The following CTDNEP1 variants were observed in gnomAD, a reference collection of about 807,000 sequenced individuals.
CTDNEP1 encodes C-terminal domain nuclear envelope phosphatase 1.
CTDNEP1 carries 3 observed loss-of-function variants against 30.1 expected under a neutral mutation model. The ratio of observed to expected loss-of-function variants is 0.10; its 90% CI spans 0.05 to 0.26. The LOEUF is 0.26. Among genes scored for constraint, CTDNEP1 ranks in the 10% least tolerant of loss-of-function variants. The probability of loss-of-function intolerance (pLI) is 1.00; values close to 1 mark genes in which losing one functional copy is unlikely to be tolerated. For missense variants in CTDNEP1, 158 were observed against 310.4 expected, an observed-to-expected ratio of 0.51 and a Z score of 3.69; for synonymous variants, 123 against 118.8, an observed-to-expected ratio of 1.04 and a Z score of -0.23.
At chr17:7,245,262 A>C (rs1190652798) in intron 6 of CTDNEP1, among the ~76,000 whole-genome samples, 4 of 151,980 alleles carry the variant, frequency 2.6e-5, no homozygotes, top group Admixed American at 6.6e-5. Flanking sequence ...ACTGCATTCC[A>C]GCCTGGGTGA....
chr17:7,251,359 G>A lies in CTDNEP1; in HGVS notation c.-63C>T. The A allele has an allele frequency of 8.5e-7, 1 of 1,174,400 alleles. No individual in the cohort carries two copies. 72.7% of individuals were successfully genotyped at this position (1,174,400 alleles called of 1,614,324 possible). On this transcript the variant is annotated 5_prime_UTR_variant, in exon 1 of 8. Transcript: ENST00000574322. ...CGGCCCAGCTCCGCCAGCCCCCCGGGGGCAGCCCCCCGCCGCCGGGAGGGG... is the reference window on the plus strand; with the variant it reads ...CGGCCCAGCTCCGCCAGCCCCCCGGAGGCAGCCCCCCGCCGCCGGGAGGGG...
intron 6 of CTDNEP1, 155 bp from the exon 7 acceptor site, chr17:7,244,790 G>C (rs549000412): frequency 3.3e-6 from 2 of 604,052 alleles, no homozygotes; most frequent in East Asian, 5.8e-5. Flanking sequence ...TTTATGCTCC[G>C]AAACTAAGTT....
upstream of CTDNEP1, chr17:7,251,963 A>T (rs962842314): frequency 6.2e-6 from 1 of 160,158 alleles, no homozygotes; most frequent in African/African-American, 2.4e-5. Flanking sequence ...GCGCCATTTT[A>T]CCGTCCAAAG....
chr17:7,246,566 A>G lies in CTDNEP1; in HGVS notation c.361-196T>C, dbSNP rs2071840629. ...TAGGCATCCTACACTCTTATGATTC[A>G]GAAATGCAAGAACAAAAGAGAAAGA... On this transcript the variant is annotated intron_variant, in intron 4 of 7. Transcript: ENST00000574322. The surrounding 1 kb of genome is among the most constrained non-coding windows in gnomAD (Gnocchi z 4.9). 1.9e-5 allele frequency: 12 copies of G among 640,856 alleles called. 1 individual carries two copies. Among genetic ancestry groups the G allele is most frequent in the Non-Finnish European group, 3.3e-5 (12 of 363,392 alleles). 39.7% of individuals were successfully genotyped at this position (640,856 alleles called of 1,614,324 possible).
chr17:7,244,556 G>A lies in CTDNEP1; in HGVS notation c.669C>T (p.Ala223=), dbSNP rs996448904. The A allele has an allele frequency of 1.2e-6, 2 of 1,613,472 alleles. No homozygotes were observed. The highest frequency in any genetic ancestry group is 2.7e-5 in the African/African-American group (2 of 74,976). ...CCAGAGCCCACTTCCCTTACCTGAG[G>A]GCATCCAGCATTGGGAGCAGGTTGA... ...ALLNLLPMLD[A]LRFTADVRSV... The change falls in exon 7 of 8, where the codon GCC becomes GCT. Residue 223 remains alanine (A), a synonymous_variant. Coordinates refer to ENST00000574322, the MANE Select transcript of CTDNEP1 (RefSeq NM_001143775.2).
rs766570720 is a variant in CTDNEP1, at chr17:7,247,139, T to C, written c.213A>G (p.Thr71=). The change falls in exon 3 of 8, where the codon ACA becomes ACG. Residue 71 remains threonine (T), a synonymous_variant. Transcript: ENST00000574322. Reference sequence around the variant, plus strand: ...CCCCATCATGGTGGGAGTGAATAAGTGTCTCATCCAGATCCAGCACCAGGA... The same window carrying C: ...CCCCATCATGGTGGGAGTGAATAAGCGTCTCATCCAGATCCAGCACCAGGA... The part of the protein sequence containing the change: ...RKILVLDLDE[T]LIHSHHDGVL... 6.2e-7 allele frequency: 1 copy of C among 1,613,898 alleles called. No individual in the cohort carries two copies. Among genetic ancestry groups the C allele is most frequent in the Non-Finnish European group, 8.5e-7 (1 of 1,179,998 alleles).
At chr17:7,247,495 G>A in intron 1 of CTDNEP1, 152 bp from the exon 2 acceptor site, 3 of 624,044 alleles carry the variant, frequency 4.8e-6, no homozygotes, top group Non-Finnish European at 8.3e-6. Flanking sequence ...TTGAGATGGA[G>A]TCTCGCTCTG....
intron 1 of CTDNEP1, among the ~76,000 whole-genome samples, chr17:7,247,595 A>G (rs2071859277): frequency 6.6e-6 from 1 of 150,858 alleles, no homozygotes; most frequent in African/African-American, 2.4e-5. Context: ...CAGCCTCCCT[A>G]ATAGCTGGGA....
At chr17:7,250,581 G>A (rs2071903357) in intron 1 of CTDNEP1, among the ~76,000 whole-genome samples, 1 of 152,168 alleles carries the variant, frequency 6.6e-6, no homozygotes, top group South Asian at 2.1e-4. Context: ...GAGGCCCATC[G>A]TAAAAGCATC....
At chr17:7,249,373 G>A (rs1398275979) in intron 1 of CTDNEP1, among the ~76,000 whole-genome samples, 3 of 152,162 alleles carry the variant, frequency 2.0e-5, no homozygotes, top group Non-Finnish European at 4.4e-5. Flanking sequence ...GAGCTCCAGT[G>A]TCCAGCCTTG....
Position 7,251,268 on chromosome 17 carries a change from A to C in CTDNEP1, c.29T>G (p.Leu10Arg). MMRTQCLLG[L>R]RTFVAFAAKL... ...GGCGGCGAAGGCCACGAACGTGCGC[A>C]GCCCCAGCAGACACTGCGTCCGCAT... The change falls in exon 1 of 8, where the codon CTG becomes CGG. Residue 10 changes from leucine (L) to arginine (R), a missense_variant. Coordinates refer to ENST00000574322, the MANE Select transcript of CTDNEP1 (RefSeq NM_001143775.2). 6.3e-7 allele frequency: 1 copy of C among 1,596,096 alleles called. No homozygotes were observed. The highest frequency in any genetic ancestry group is 8.5e-7 in the Non-Finnish European group (1 of 1,173,016).
intron 7 of CTDNEP1, 100 bp from the exon 8 acceptor site, chr17:7,244,345 T>C (rs201670523): frequency 2.2e-6 from 3 of 1,352,190 alleles, no homozygotes; most frequent in East Asian, 4.7e-5. Flanking sequence ...ACCTAAATTA[T>C]CACCATATTC....
chr17:7,251,348 C>T lies in CTDNEP1; in HGVS notation c.-52G>A. 4 of 1,293,190 alleles carry T rather than the reference C, an allele frequency of 3.1e-6. No individual in the cohort carries two copies. The highest frequency in any genetic ancestry group is 4.0e-6 in the Non-Finnish European group (4 of 988,554). The allele number at this position is 1,293,190 out of a possible 1,614,324, so 80.1% of individuals were successfully genotyped here. A position where few individuals can be genotyped will look rare whatever the true frequency, so the allele number is the denominator to read the frequency against. Reference sequence around the variant, plus strand: ...CGGGGCCCCCGCGGCCCAGCTCCGCCAGCCCCCCGGGGGCAGCCCCCCGCC... The same window carrying T: ...CGGGGCCCCCGCGGCCCAGCTCCGCTAGCCCCCCGGGGGCAGCCCCCCGCC... On this transcript the variant is annotated 5_prime_UTR_variant, in exon 1 of 8. Transcript: ENST00000574322.
chr17:7,247,926 A>C (rs1266440658), intron 1 of CTDNEP1, among the ~76,000 whole-genome samples: 1 of 152,096 alleles, frequency 6.6e-6, no homozygotes, highest in Non-Finnish European at 1.5e-5. Flanking sequence ...TCATGGCTGT[A>C]TTCCCAGTGC....
chr17:7,247,758 C>T (rs747327846), intron 1 of CTDNEP1, among the ~76,000 whole-genome samples: 6 of 151,870 alleles, frequency 4.0e-5, no homozygotes, highest in Admixed American at 2.0e-4. Flanking sequence ...TGAGCCACTA[C>T]GCTGGCCTTT....
In CTDNEP1 at chr17:7,247,361, G is replaced by C. The variant is rs1267878822; in HGVS notation, c.103-18C>G. 6.2e-7 allele frequency: 1 copy of C among 1,609,154 alleles called. No individual in the cohort carries two copies. Among genetic ancestry groups the C allele is most frequent in the Admixed American group, 1.7e-5 (1 of 59,946 alleles). On this transcript the variant is annotated intron_variant, in intron 1 of 7. Transcript: ENST00000574322. ...TGAATTACCTACAAATAGCACAAAAGAGGATTGAAACCCTTGATAAGGAAG... is the reference window on the plus strand; with the variant it reads ...TGAATTACCTACAAATAGCACAAAACAGGATTGAAACCCTTGATAAGGAAG...
chr17:7,250,566 T>C (rs1272559373), intron 1 of CTDNEP1, among the ~76,000 whole-genome samples: 3 of 152,174 alleles, frequency 2.0e-5, no homozygotes, highest in Non-Finnish European at 4.4e-5. Flanking sequence ...CCTCCCACAA[T>C]TAAAGAGGCC....
In CTDNEP1 at chr17:7,250,746, C is replaced by T. The variant is rs180732185; in HGVS notation, c.102+449G>A. On this transcript the variant is annotated intron_variant, in intron 1 of 7. Transcript: ENST00000574322. ...TCCCGTCCTTGTTTGTAACGTATGC[C>T]CTCCCACCCACCTCCACCCTTGACA... 5.3e-3 allele frequency among the ~76,000 whole-genome samples: 803 copies of T among 152,168 alleles called. 5 individuals are homozygous for T. The highest frequency in any genetic ancestry group is 0.019 in the African/African-American group (772 of 41,508).
chr17:7,245,937 C>T, intron 6 of CTDNEP1, 89 bp downstream of exon 6: 1 of 795,750 alleles, frequency 1.3e-6, no homozygotes, highest in South Asian at 1.6e-5. Flanking sequence ...GGAATCCCAG[C>T]TCTCAAGGAC....
Sources: allele counts gnomAD v4.1 joint callset (sites outside exome capture counted in the v4.1 genomes callset), GRCh38; gene constraint gnomAD v4.1.1; non-coding constraint Gnocchi (gnomAD v3.1); transcripts MANE v1.5; gene names NCBI Gene and HGNC (gene_info 2026-07-23, HGNC 2026-07-21).